Variants in AVPR1B observed in about 807,000 individuals in gnomAD.
AVPR1B encodes arginine vasopressin receptor 1B, also known as vasopressin V1b receptor.
Under a neutral mutation model 27.5 loss-of-function variants are expected in AVPR1B, and 25 were observed. The ratio of observed to expected loss-of-function variants is 0.91; its 90% CI spans 0.66 to 1.27. AVPR1B has a LOEUF of 1.27. Among genes scored for constraint, AVPR1B ranks in the 50% most tolerant of loss-of-function variants. The pLI, the probability that AVPR1B is intolerant of heterozygous loss-of-function variation, is 0.00. For missense variants in AVPR1B, 595 were observed against 556.9 expected (o/e 1.07, Z -0.69); for synonymous variants, 248 against 240.2 (o/e 1.03, Z -0.30).
In AVPR1B at chr1:206,116,726, C is replaced by T; in HGVS notation, c.165G>A (p.Val55=). The change falls in exon 1 of 2, where the codon GTG becomes GTA. Residue 55 remains valine, a synonymous_variant. Transcript: ENST00000367126. Reference sequence around the variant, plus strand: ...GGCCCAGCTGGCCCAGGGTCAGCAGCACAGCCAGGTTGCCCCCGGTCGCCA... The same window carrying T: ...GGCCCAGCTGGCCCAGGGTCAGCAGTACAGCCAGGTTGCCCCCGGTCGCCA... ...LVLATGGNLA[V]LLTLGQLGRK... The T allele has an allele frequency of 6.2e-7, 1 of 1,610,478 alleles. No individual in the cohort carries two copies. Among genetic ancestry groups the T allele is most frequent in the East Asian group, 2.2e-5 (1 of 44,836 alleles).
rs1215041325 is a variant in AVPR1B at position 206,117,234 on chromosome 1, C to T, written c.-344G>A. On this transcript the variant is annotated 5_prime_UTR_variant, in exon 1 of 2. Coordinates refer to ENST00000367126, the MANE Select transcript of AVPR1B (RefSeq NM_000707.5). ...GGGGAGGGGCTACCACCCTCCAATC[C>T]GCCTCAAATTCTCTTTCTCCAAACT... The T allele has an allele frequency of 4.0e-6, 1 of 252,016 alleles. No individual in the cohort carries two copies. Among genetic ancestry groups the T allele is most frequent in the East Asian group, 8.1e-5 (1 of 12,366 alleles). The allele number at this position is 252,016 out of a possible 1,614,324, so 15.6% of individuals were successfully genotyped here.
Position 206,110,542 on chromosome 1 carries a change from G to T in AVPR1B, c.941-19C>A. 6.3e-7 allele frequency: 1 copy of T among 1,584,398 alleles called. No individual in the cohort carries two copies. On this transcript the variant is annotated intron_variant, in intron 1 of 1. Transcript: ENST00000367126. ...GTGGAATCTACCAAGAGAGAAGCATGAGAAGCCTCAGAATGGCAGCTCGAA... is the reference window on the plus strand; with the variant it reads ...GTGGAATCTACCAAGAGAGAAGCATTAGAAGCCTCAGAATGGCAGCTCGAA...
rs370825909 is a variant in AVPR1B at position 206,110,464 on chromosome 1, T to G, written c.1000A>C (p.Asn334His). 2.3e-5 allele frequency: 37 copies of G among 1,613,898 alleles called. No homozygotes were observed. The African/African-American group carries it at 4.4e-4, about 19-fold the overall frequency. ...TTGAAGCCCATGTAGATCCAGGGGTTGCAGCAGCTGTTGAGGTTGCCCAAA... is the reference window on the plus strand; with the variant it reads ...TTGAAGCCCATGTAGATCCAGGGGTGGCAGCAGCTGTTGAGGTTGCCCAAA... ...MLLGNLNSCC[N>H]PWIYMGFNSH... Residue 334 changes from asparagine to histidine, a missense_variant, in exon 2 of 2, where the codon AAC becomes CAC. Asn to His is a moderately conservative substitution (Grantham distance 68). Coordinates refer to ENST00000367126, the MANE Select transcript of AVPR1B (RefSeq NM_000707.5).
chr1:206,111,636 A>G (rs1663378119), intron 1 of AVPR1B, among the ~76,000 whole-genome samples: 1 of 152,214 alleles, frequency 6.6e-6, no homozygotes, highest in Admixed American at 6.5e-5. Flanking sequence ...CAGTAAAATA[A>G]AAGGCAAAGC....
rs782438962 is a variant in AVPR1B, at chr1:206,116,581, C to T, written c.310G>A (p.Asp104Asn). ...TACTTGACGGCCCTGCACAGGAGGT[C>T]GGGGCCCTGGAAGCGGTAGGTGATG... ...WDITYRFQGP[D>N]LLCRAVKYLQ... is the part of the protein sequence containing the mutation. The change falls in exon 1 of 2, where the codon GAC (aspartate) becomes AAC (asparagine). Residue 104 changes from aspartate to asparagine, a missense_variant. Physicochemically the swap from Asp to Asn is conservative, Grantham distance 23 (BLOSUM62 1). Coordinates refer to ENST00000367126, the MANE Select transcript of AVPR1B (RefSeq NM_000707.5). The T allele has an allele frequency of 7.4e-6, 12 of 1,613,966 alleles. No individual in the cohort carries two copies. Among genetic ancestry groups the T allele is most frequent in the South Asian group, 1.1e-5 (1 of 91,082 alleles).
chr1:206,113,697 C>G (rs1553290151), intron 1 of AVPR1B, among the ~76,000 whole-genome samples: 4 of 152,238 alleles, frequency 2.6e-5, no homozygotes, highest in Non-Finnish European at 5.9e-5. Flanking sequence ...GTGCCACTGG[C>G]TATGCCACAA....
chr1:206,110,722 G>A (rs1244876005), intron 1 of AVPR1B, among the ~76,000 whole-genome samples, 199 bp from the exon 2 acceptor site: 1 of 152,204 alleles, frequency 6.6e-6, no homozygotes, highest in Non-Finnish European at 1.5e-5. Flanking sequence ...GTCTTACCAT[G>A]CTGATTTTGT....
At position 206,108,481 on chromosome 1, in the gene AVPR1B, T is replaced by C. The variant is rs1301475504; in HGVS notation, c.*1708A>G. ...ATATCCGCAAAGCCACAGTCATTCC[T>C]CAAAGCTTCCCTGGGAGTCAGGGGT... is the stretch of plus-strand genomic sequence containing the variant. On this transcript the variant is annotated 3_prime_UTR_variant, in exon 2 of 2. Transcript: ENST00000367126. Among the ~76,000 whole-genome samples, 2 of 152,348 alleles carry C rather than the reference T, an allele frequency of 1.3e-5. No homozygotes were observed. Among genetic ancestry groups the C allele is most frequent in the Admixed American group, 6.5e-5 (1 of 15,310 alleles).
rs1553290504 is a variant in AVPR1B at position 206,116,282 on chromosome 1, G to A, written c.609C>T (p.Thr203=). Residue 203 remains threonine, a synonymous_variant, in exon 1 of 2, where the codon ACC becomes ACT. Coordinates refer to ENST00000367126, the MANE Select transcript of AVPR1B (RefSeq NM_000707.5). ...PWGPRAYLTW[T]TLAIFVLPVT... is the part of the protein sequence containing the mutation. ...CCGGCAGAACGAAGATAGCCAGGGT[G>A]GTCCAGGTGAGGTAGGCCCGTGGCC... 6.2e-7 allele frequency: 1 copy of A among 1,613,626 alleles called. No homozygotes were observed. Among genetic ancestry groups the A allele is most frequent in the Non-Finnish European group, 8.5e-7 (1 of 1,180,032 alleles).
In AVPR1B at chr1:206,115,961, G is replaced by A. The variant is rs555837841; in HGVS notation, c.930C>T (p.Ala310=). The stretch of plus-strand genomic sequence containing the variant: ...ATAGACCCCACTTGCCTTCATCAGG[G>A]GCATTCTTGTCCCACACGGACCACA... ...VQMWSVWDKN[A]PDEDSTNVAF... is the part of the protein sequence containing the mutation. Residue 310 remains alanine (A), a synonymous_variant, in exon 1 of 2, where the codon GCC becomes GCT. Coordinates refer to ENST00000367126, the MANE Select transcript of AVPR1B (RefSeq NM_000707.5). 19 of 1,598,792 alleles carry A rather than the reference G, an allele frequency of 1.2e-5. No individual in the cohort carries two copies. The South Asian group carries it at 1.8e-4, about 15-fold the overall frequency.
chr1:206,113,164 A>G (rs1398261030), intron 1 of AVPR1B, among the ~76,000 whole-genome samples: 1 of 152,126 alleles, frequency 6.6e-6, no homozygotes, highest in Non-Finnish European at 1.5e-5. Flanking sequence ...TAGGGGCTGG[A>G]GACGTGCCAC....
In AVPR1B at chr1:206,109,451, T is replaced by G. The variant is rs1663333054; in HGVS notation, c.*738A>C. On this transcript the variant is annotated 3_prime_UTR_variant, in exon 2 of 2. Transcript: ENST00000367126. ...TTTTCATCTTCTCCTTCCCTCCCTCTTTCTTCCCACCCACACTGACAGTGG... is the reference window on the plus strand; with the variant it reads ...TTTTCATCTTCTCCTTCCCTCCCTCGTTCTTCCCACCCACACTGACAGTGG... 6.6e-6 allele frequency among the ~76,000 whole-genome samples: 1 copy of G among 152,044 alleles called. No individual in the cohort carries two copies. Among genetic ancestry groups the G allele is most frequent in the Non-Finnish European group, 1.5e-5 (1 of 68,000 alleles).
rs34880131 is a variant in AVPR1B at position 206,110,063 on chromosome 1, G to A, written c.*126C>T. On this transcript the variant is annotated 3_prime_UTR_variant, in exon 2 of 2. Transcript: ENST00000367126. ...GTAGGGGACCCATTCTGGCCTTTTC[G>A]CTCCGCTTTAGACAGGGCTCCTCTA... The A allele has an allele frequency of 3.6e-5, 42 of 1,170,170 alleles. 1 individual carries two copies. Among genetic ancestry groups the A allele is most frequent in the Admixed American group, 2.0e-4 (7 of 34,514 alleles). The allele number at this position is 1,170,170 out of a possible 1,614,324, so 72.5% of individuals were successfully genotyped here.
chr1:206,110,134 G>A lies in AVPR1B; in HGVS notation c.*55C>T. 17 of 1,525,578 alleles carry A rather than the reference G, an allele frequency of 1.1e-5. No individual in the cohort carries two copies. The highest frequency in any genetic ancestry group is 1.4e-5 in the Non-Finnish European group (16 of 1,130,384). 94.5% of individuals were successfully genotyped at this position (1,525,578 alleles called of 1,614,324 possible). A position where few individuals can be genotyped will look rare whatever the true frequency, so the allele number is the denominator to read the frequency against. On this transcript the variant is annotated 3_prime_UTR_variant, in exon 2 of 2. Coordinates refer to ENST00000367126, the MANE Select transcript of AVPR1B (RefSeq NM_000707.5). ...AGCTCTCATTTCCAGTGCCCGAGGT[G>A]GGCAGAGAACCTCCACTAGTCCTGG...
chr1:206,114,838 A>G (rs1663436604), intron 1 of AVPR1B, among the ~76,000 whole-genome samples: 1 of 152,164 alleles, frequency 6.6e-6, no homozygotes, highest in South Asian at 2.1e-4. Flanking sequence ...AAAACAGCAG[A>G]GGGAATTAGA....
Position 206,116,455 on chromosome 1 carries a change from G to A in AVPR1B, c.436C>T (p.Pro146Ser). 1.2e-6 allele frequency: 2 copies of A among 1,613,872 alleles called. No individual in the cohort carries two copies. Among genetic ancestry groups the A allele is most frequent in the East Asian group, 2.2e-5 (1 of 44,880 alleles). ...VCHPLRSLQQ[P>S]GQSTYLLIAA... ...ATGAGCAGGTAGGTGGACTGGCCTG[G>A]CTGCTGGAGGCTGCGCAGGGGGTGA... Residue 146 changes from proline to serine, a missense_variant, in exon 1 of 2, where the codon CCA becomes TCA. Pro to Ser is a moderately conservative substitution (Grantham distance 74). Coordinates refer to ENST00000367126, the MANE Select transcript of AVPR1B (RefSeq NM_000707.5).
At chr1:206,114,779 G>T (rs1195389817) in intron 1 of AVPR1B, among the ~76,000 whole-genome samples, 1 of 152,182 alleles carries the variant, frequency 6.6e-6, no homozygotes, top group Admixed American at 6.5e-5. Context: ...TCTTCACTTT[G>T]TCACTCCCTA....
rs943612683 is a variant in AVPR1B at position 206,107,416 on chromosome 1, C to A, written c.*2773G>T. 1.3e-5 allele frequency among the ~76,000 whole-genome samples: 2 copies of A among 152,240 alleles called. No homozygotes were observed. The highest frequency in any genetic ancestry group is 3.9e-4 in the East Asian group (2 of 5,176). On this transcript the variant is annotated 3_prime_UTR_variant, in exon 2 of 2. Transcript: ENST00000367126. Reference sequence around the variant, plus strand: ...CTTCCACTGGCCCAGACTGTCCAGGCGAGCCTCCTACAGGTCCTGCAGAAC... The same window carrying A: ...CTTCCACTGGCCCAGACTGTCCAGGAGAGCCTCCTACAGGTCCTGCAGAAC...
Position 206,116,247 on chromosome 1 carries a change from A to T in AVPR1B, c.644T>A (p.Leu215His), listed in dbSNP as rs782023095. Reference protein sequence around the residue: ...LAIFVLPVTMLTACYSLICHE... With the variant: ...LAIFVLPVTMHTACYSLICHE... ...GCAGATGAGGCTGTAGCAGGCCGTG[A>T]GCATGGTCACCGGCAGAACGAAGAT... The change falls in exon 1 of 2, where the codon CTC (leucine) becomes CAC (histidine). Residue 215 changes from leucine (L) to histidine (H), a missense_variant. Coordinates refer to ENST00000367126, the MANE Select transcript of AVPR1B (RefSeq NM_000707.5). 1 of 1,613,572 alleles carries T rather than the reference A, an allele frequency of 6.2e-7. No individual in the cohort carries two copies. The highest frequency in any genetic ancestry group is 2.2e-5 in the East Asian group (1 of 44,868).
Sources: gnomAD v4.1 joint callset for allele counts (sites outside exome capture counted in the v4.1 genomes callset) on GRCh38, gnomAD v4.1.1 for gene constraint, MANE v1.5 for transcripts, NCBI Gene and HGNC (gene_info 2026-07-23, HGNC 2026-07-21) for gene names.